NKAIN3: variants seen among roughly 807,000 people sequenced by gnomAD.
The protein encoded by NKAIN3 is sodium/potassium transporting ATPase interacting 3.
In NKAIN3, 25 loss-of-function variants were observed where a neutral mutation model predicts 30.2. The observed-to-expected ratio is 0.83, with a 90% CI of 0.60 to 1.16. NKAIN3 has a LOEUF of 1.16. NKAIN3 is among the 50% of genes most tolerant of loss of function. The pLI, the probability that NKAIN3 is intolerant of heterozygous loss-of-function variation, is 0.00. For missense variants in NKAIN3, 225 were observed against 254.1 expected (o/e 0.89, Z 0.78); for synonymous variants, 91 against 89.6 (o/e 1.02, Z -0.09).
At chr8:62,688,071 A>G (rs759660764) in intron 3 of NKAIN3, among the ~76,000 whole-genome samples, 5 of 152,224 alleles carry the variant, frequency 3.3e-5, no homozygotes, top group South Asian at 4.1e-4. Flanking sequence ...CTCTTTTCCT[A>G]TCTTCTCTGT....
At chr8:62,843,289 G>A (rs1035707948) in intron 4 of NKAIN3, among the ~76,000 whole-genome samples, 7 of 151,270 alleles carry the variant, frequency 4.6e-5, no homozygotes, top group African/African-American at 1.7e-4. Context: ...CCCTGCTAAC[G>A]TCTTTTTTCT....
chr8:62,768,356 G>A (rs1201077825), intron 4 of NKAIN3, among the ~76,000 whole-genome samples: 2 of 152,124 alleles, frequency 1.3e-5, no homozygotes, highest in Non-Finnish European at 2.9e-5. Flanking sequence ...CTGCTGACAG[G>A]ATACGCTATT....
At chr8:62,731,287 A>G (rs1815457282) in intron 3 of NKAIN3, among the ~76,000 whole-genome samples, 1 of 151,238 alleles carries the variant, frequency 6.6e-6, no homozygotes, top group Non-Finnish European at 1.5e-5. Flanking sequence ...TTCCTTCTAT[A>G]CAATTATTTT....
intron 4 of NKAIN3, among the ~76,000 whole-genome samples, chr8:62,886,859 C>T (rs1376575332): frequency 6.6e-6 from 1 of 152,124 alleles, no homozygotes; most frequent in Non-Finnish European, 1.5e-5. Context: ...ATGTTCTCCT[C>T]CCTGGGTCCC....
At chr8:62,408,286 A>G (rs961406529) in intron 1 of NKAIN3, among the ~76,000 whole-genome samples, 2 of 152,112 alleles carry the variant, frequency 1.3e-5, no homozygotes, top group African/African-American at 2.4e-5. Context: ...ATATATTTTT[A>G]AAGGCCGTGA....
chr8:62,818,533 A>G (rs1325853015), intron 4 of NKAIN3, among the ~76,000 whole-genome samples: 1 of 151,662 alleles, frequency 6.6e-6, no homozygotes, highest in African/African-American at 2.4e-5. Flanking sequence ...TCCCAGTGTG[A>G]TCTACCTTGT....
intron 3 of NKAIN3, among the ~76,000 whole-genome samples, chr8:62,645,403 TGTAATGAA>T (rs1431691277): frequency 1.3e-5 from 2 of 152,166 alleles, no homozygotes; most frequent in African/African-American, 4.8e-5. Flanking sequence ...CTGTGATAAA[TGTAATGAA>T]GTCATACTGC....
chr8:62,404,834 A>G (rs886969985), intron 1 of NKAIN3, among the ~76,000 whole-genome samples: 7 of 152,066 alleles, frequency 4.6e-5, no homozygotes, highest in Admixed American at 1.3e-4. Flanking sequence ...GTTTCTTCCC[A>G]TGGCCACCAT....
At chr8:62,353,128 A>AGAAGACTGTG (rs563177216) in intron 1 of NKAIN3, among the ~76,000 whole-genome samples, 16 of 152,312 alleles carry the variant, frequency 1.1e-4, no homozygotes, top group South Asian at 2.1e-4. Context: ...CCATCAGTGT[A>AGAAGACTGTG]GAAGACTGTG....
chr8:62,371,977 CTT>C (rs1015465588), intron 1 of NKAIN3, among the ~76,000 whole-genome samples: 4 of 151,794 alleles, frequency 2.6e-5, no homozygotes, highest in African/African-American at 4.8e-5. Context: ...CATTCCATTC[CTT>C]TTCTGTTTTG....
intron 3 of NKAIN3, among the ~76,000 whole-genome samples, chr8:62,606,817 C>A (rs1811145872): frequency 2.6e-5 from 4 of 152,150 alleles, no homozygotes. Flanking sequence ...TGAGAAGATA[C>A]TCTGTCCTGC....
chr8:62,420,539 A>G (rs539330713), intron 1 of NKAIN3, among the ~76,000 whole-genome samples: 7 of 152,310 alleles, frequency 4.6e-5, no homozygotes, highest in Non-Finnish European at 7.3e-5. Flanking sequence ...GCATATCAAC[A>G]AAACATAAGA....
At chr8:62,938,959 G>C (rs182768920) in intron 5 of NKAIN3, among the ~76,000 whole-genome samples, 47 of 152,278 alleles carry the variant, frequency 3.1e-4, no homozygotes, top group Non-Finnish European at 3.8e-4. Flanking sequence ...GTTCAAAGAG[G>C]CATCAGAGAG....
intron 3 of NKAIN3, among the ~76,000 whole-genome samples, chr8:62,732,808 AC>A (rs1815520709): frequency 6.6e-6 from 1 of 152,038 alleles, no homozygotes; most frequent in Non-Finnish European, 1.5e-5. Context: ...TCACATTTAT[AC>A]CTTTATTATG....
intron 1 of NKAIN3, among the ~76,000 whole-genome samples, chr8:62,338,658 A>T (rs142757215): frequency 8.9e-4 from 136 of 152,104 alleles, no homozygotes; most frequent in African/African-American, 3.1e-3. Context: ...ATCCCACAAT[A>T]GGCCATCTGC....
intron 1 of NKAIN3, among the ~76,000 whole-genome samples, chr8:62,431,763 G>C (rs16928908): frequency 6.6e-6 from 1 of 150,580 alleles, no homozygotes; most frequent in Admixed American, 6.7e-5. Context: ...GCTAAGTCTT[G>C]TTACCAGTCG....
At chr8:62,458,293 AAAAG>A (rs1451275981) in intron 1 of NKAIN3, among the ~76,000 whole-genome samples, 2 of 152,230 alleles carry the variant, frequency 1.3e-5, no homozygotes, top group Non-Finnish European at 2.9e-5. Flanking sequence ...GAAAGCTATA[AAAAG>A]AAAGTTATAT....
intron 1 of NKAIN3, among the ~76,000 whole-genome samples, chr8:62,421,919 A>C (rs1314125432): frequency 6.6e-6 from 1 of 152,024 alleles, no homozygotes; most frequent in Non-Finnish European, 1.5e-5. Flanking sequence ...GCTGGGATTC[A>C]AACTCAAGCC....
chr8:62,256,016 CTG>C (rs1812250299), intron 1 of NKAIN3, among the ~76,000 whole-genome samples: 1 of 152,146 alleles, frequency 6.6e-6, no homozygotes, highest in African/African-American at 2.4e-5. Context: ...AGAGGAAAGA[CTG>C]TGGATACTTC....
Sources: allele counts gnomAD v4.1 joint callset (sites outside exome capture counted in the v4.1 genomes callset), GRCh38; gene constraint gnomAD v4.1.1; transcripts MANE v1.5; gene names NCBI Gene and HGNC (gene_info 2026-07-23, HGNC 2026-07-21).